The following SEPTIN7 variants were observed in gnomAD, a reference collection of about 807,000 sequenced individuals.
SEPTIN7 encodes septin 7.
In SEPTIN7, 10 loss-of-function variants were observed where a neutral mutation model predicts 63.3. The observed-to-expected ratio is 0.16, with a 90% CI of 0.10 to 0.27. The LOEUF (loss-of-function observed/expected upper bound fraction) is 0.27, where lower values mean the gene tolerates loss of function less well. SEPTIN7 is among the 10% of genes least tolerant of loss of function. The pLI is 1.00. For synonymous variants in SEPTIN7, 131 were observed against 165.3 expected (o/e 0.79, Z 1.59); for missense variants, 310 against 521.0 (o/e 0.59, Z 3.94).
chr7:35,880,223 C>CTTTTTTTTTTTTTTTTTTTTTTTTTTT, intron 7 of SEPTIN7, among the ~76,000 whole-genome samples: 553 of 72,834 alleles, frequency 7.6e-3, no homozygotes, highest in Middle Eastern at 0.019. Context: ...TTTTTCTTTT[C>CTTTTTTTTTTTTTTTTTTTTTTTTTTT]TTTTTTTTTT....
chr7:35,809,219 A>G (rs1788547651), intron 1 of SEPTIN7, among the ~76,000 whole-genome samples: 1 of 152,220 alleles, frequency 6.6e-6, no homozygotes, highest in Non-Finnish European at 1.5e-5. Context: ...GGTGATTAAG[A>G]GTTTTCGGAT....
chr7:35,816,158 A>G (rs1407535522), intron 1 of SEPTIN7, among the ~76,000 whole-genome samples: 1 of 152,198 alleles, frequency 6.6e-6, no homozygotes, highest in East Asian at 1.9e-4. Context: ...GGGTTGTGCA[A>G]CCATTGTCAC....
chr7:35,903,212 C>T lies in SEPTIN7; in HGVS notation c.1271C>T (p.Ser424Leu), dbSNP rs746221445. ...QQRILEQQNSSRTLEKNKKKG... is the reference protein window; with the variant it reads ...QQRILEQQNSLRTLEKNKKKG... ...CGTATTTTAGAACAACAGAACTCTTCAAGGTAACTAATAGCAGATTACTAA... is the reference window on the plus strand; with the variant it reads ...CGTATTTTAGAACAACAGAACTCTTTAAGGTAACTAATAGCAGATTACTAA... The change falls in exon 13 of 14, where the codon TCA (serine) becomes TTA (leucine). Residue 424 changes from serine (S) to leucine (L), a missense_variant. By Grantham distance (145) the Ser-to-Leu change is moderately radical (BLOSUM62 -2). Coordinates refer to ENST00000350320, the MANE Select transcript of SEPTIN7 (RefSeq NM_001788.6). The T allele has an allele frequency of 3.2e-6, 5 of 1,570,174 alleles. No homozygotes were observed. Among genetic ancestry groups the T allele is most frequent in the Non-Finnish European group, 4.3e-6 (5 of 1,163,224 alleles).
chr7:35,808,370 CAT>C (rs935898710), intron 1 of SEPTIN7, among the ~76,000 whole-genome samples: 15 of 152,192 alleles, frequency 9.9e-5, no homozygotes, highest in East Asian at 5.8e-4. Flanking sequence ...TTATTTCCCA[CAT>C]GTTTTTTTCC....
At chr7:35,888,488 GATT>G (rs1317876488) in intron 10 of SEPTIN7, among the ~76,000 whole-genome samples, 345 of 152,056 alleles carry the variant, frequency 2.3e-3, no homozygotes, top group African/African-American at 8.0e-3. Context: ...GACCTTTAAC[GATT>G]TTTCAGTGAT....
At chr7:35,828,889 G>A (rs1370910739) in intron 1 of SEPTIN7, among the ~76,000 whole-genome samples, 1 of 152,134 alleles carries the variant, frequency 6.6e-6, no homozygotes, top group Non-Finnish European at 1.5e-5. Context: ...GCCTCCCAAA[G>A]TTTGGAATTA....
At chr7:35,802,169 C>T (rs1788035167) in intron 1 of SEPTIN7, 2 of 226,018 alleles carry the variant, frequency 8.8e-6, no homozygotes, top group South Asian at 5.6e-5. Flanking sequence ...CAGTTATTCT[C>T]TTAACGAGCC....
chr7:35,806,815 A>G (rs760845937), intron 1 of SEPTIN7, among the ~76,000 whole-genome samples: 1 of 152,196 alleles, frequency 6.6e-6, no homozygotes, highest in Non-Finnish European at 1.5e-5. Flanking sequence ...CCCCATCCCT[A>G]TAACTTCTTT....
At chr7:35,870,599 C>A (rs1290305308) in intron 4 of SEPTIN7, among the ~76,000 whole-genome samples, 1 of 152,046 alleles carries the variant, frequency 6.6e-6, no homozygotes, top group Non-Finnish European at 1.5e-5. Context: ...GAAGTGAATT[C>A]AAGATATTGA....
chr7:35,801,293 G>A (rs1338150775), intron 1 of SEPTIN7, 23 bp downstream of exon 1: 2 of 1,516,884 alleles, frequency 1.3e-6, no homozygotes, highest in Non-Finnish European at 1.8e-6. Context: ...TTCGGGTGCC[G>A]CGACTTGGGG....
chr7:35,913,544 TTTCCTTCC>T, the SEPTIN7 span, among the ~76,000 whole-genome samples: 207 of 148,602 alleles, frequency 1.4e-3, 1 homozygote, highest in Non-Finnish European at 4.3e-4. Flanking sequence ...TCCTTCCTTC[TTTCCTTCC>T]TTCCTTCCTT....
At chr7:35,851,067 A>G (rs927914908) in intron 3 of SEPTIN7, among the ~76,000 whole-genome samples, 3 of 152,162 alleles carry the variant, frequency 2.0e-5, no homozygotes, top group Admixed American at 1.3e-4. Flanking sequence ...ACTTTCTTCA[A>G]AACCTTATAA....
At chr7:35,802,579 A>G (rs1350512449) in intron 1 of SEPTIN7, among the ~76,000 whole-genome samples, 3 of 152,252 alleles carry the variant, frequency 2.0e-5, no homozygotes, top group Non-Finnish European at 4.4e-5. Context: ...CCTGTTTTAC[A>G]TATTTATGCA....
intron 12 of SEPTIN7, 50 bp downstream of exon 12, chr7:35,898,433 A>T (rs781642737): frequency 1.6e-6 from 2 of 1,216,762 alleles, no homozygotes; most frequent in African/African-American, 3.0e-5. Flanking sequence ...TTCCTTTTTA[A>T]GTAGTATCTT....
chr7:35,909,901 G>A (rs754938247), downstream of SEPTIN7, among the ~76,000 whole-genome samples: 6 of 152,340 alleles, frequency 3.9e-5, no homozygotes, highest in Non-Finnish European at 7.3e-5. Context: ...GGAATTAAGC[G>A]GTTTAGCTGG....
rs925180099 is a variant in SEPTIN7 at position 35,906,274 on chromosome 7, T to G, written c.*1981T>G. 6.6e-6 allele frequency: 1 copy of G among 152,196 alleles called. No homozygotes were observed. Among genetic ancestry groups the G allele is most frequent in the African/African-American group, 2.4e-5 (1 of 41,434 alleles). The allele number at this position is 152,196 out of a possible 1,614,324, so 9.4% of individuals were successfully genotyped here. On this transcript the variant is annotated 3_prime_UTR_variant, in exon 14 of 14. Coordinates refer to ENST00000350320, the MANE Select transcript of SEPTIN7 (RefSeq NM_001788.6). ...TCCTAATGAAAACTTTCAGAAGTCT[T>G]TCTTTATCCATGGCATGCCCAGGGT...
intron 3 of SEPTIN7, among the ~76,000 whole-genome samples, chr7:35,855,051 T>C (rs1353888997): frequency 2.0e-5 from 3 of 152,184 alleles, no homozygotes; most frequent in Admixed American, 1.3e-4. Flanking sequence ...TCCAGTCCTG[T>C]CTCTAGAAAT....
Position 35,883,872 on chromosome 7 carries a change from A to G in SEPTIN7, c.724-19A>G, listed in dbSNP as rs1328815199. ...AGGACTACAGAGATGTATTTGAACA[A>G]GAATACTTTGTTTTATAGGACCGTT... is the stretch of plus-strand genomic sequence containing the variant. On this transcript the variant is annotated intron_variant, in intron 8 of 13. Coordinates refer to ENST00000350320, the MANE Select transcript of SEPTIN7 (RefSeq NM_001788.6). 1 of 1,465,794 alleles carries G rather than the reference A, an allele frequency of 6.8e-7. No homozygotes were observed. The highest frequency in any genetic ancestry group is 1.1e-5 in the South Asian group (1 of 87,240). 90.8% of individuals were successfully genotyped at this position (1,465,794 alleles called of 1,614,324 possible). A position where few individuals can be genotyped will look rare whatever the true frequency, so the allele number is the denominator to read the frequency against.
chr7:35,885,120 G>A (rs949911563), intron 9 of SEPTIN7, among the ~76,000 whole-genome samples: 3 of 151,736 alleles, frequency 2.0e-5, no homozygotes, highest in East Asian at 1.9e-4. Flanking sequence ...CCCACATCAC[G>A]TCACTATAAG....
Sources: allele counts gnomAD v4.1 joint callset (sites outside exome capture counted in the v4.1 genomes callset), GRCh38; gene constraint gnomAD v4.1.1; transcripts MANE v1.5; gene names NCBI Gene and HGNC (gene_info 2026-07-23, HGNC 2026-07-21).